NHSL2: variants seen among roughly 807,000 people sequenced by gnomAD.
NHSL2 encodes the protein NHS-like protein 2.
Under a neutral mutation model 53.4 loss-of-function variants are expected in NHSL2, and 27 were observed. The ratio of observed to expected loss-of-function variants is 0.51; its 90% confidence interval spans 0.37 to 0.70. The LOEUF (loss-of-function observed/expected upper bound fraction) is 0.70. Among genes scored for constraint, NHSL2 ranks in the 30% least tolerant of loss-of-function variants. The pLI, the probability that NHSL2 is intolerant of heterozygous loss-of-function variation, is 0.00. For synonymous variants in NHSL2, 408 were observed against 404.1 expected, an observed-to-expected ratio of 1.01 and a Z score of -0.12; for missense variants, 892 against 980.1, an observed-to-expected ratio of 0.91 and a Z score of 1.20.
chrX:72,074,960 A>G (rs1328824826), intron 1 of NHSL2, among the ~76,000 whole-genome samples: 2 of 112,417 alleles, frequency 1.8e-5, no homozygotes, highest in Non-Finnish European at 3.7e-5. Flanking sequence ...TGCAAAGAAT[A>G]ATAAAAACCA....
intron 1 of NHSL2, among the ~76,000 whole-genome samples, chrX:71,922,852 C>G (rs759484603): frequency 8.9e-6 from 1 of 112,232 alleles, no homozygotes; most frequent in Admixed American, 9.4e-5. Flanking sequence ...GCAAAGTCTC[C>G]CTGTATTCCA....
At chrX:71,915,015 C>T (rs2041621612) in intron 1 of NHSL2, among the ~76,000 whole-genome samples, 1 of 110,521 alleles carries the variant, frequency 9.0e-6, no homozygotes, top group Non-Finnish European at 1.9e-5. Flanking sequence ...TTTCTCTTCC[C>T]ACCCCACCCT....
At chrX:72,117,426 T>C (rs769555053) in intron 1 of NHSL2, among the ~76,000 whole-genome samples, 1 of 107,626 alleles carries the variant, frequency 9.3e-6, no homozygotes, top group South Asian at 4.2e-4. Flanking sequence ...GATAACAACT[T>C]TATTAAGACA....
intron 1 of NHSL2, among the ~76,000 whole-genome samples, chrX:71,949,599 A>T (rs1311260461): frequency 9.0e-6 from 1 of 111,481 alleles, no homozygotes; most frequent in Non-Finnish European, 1.9e-5. Flanking sequence ...ACAGCCACTG[A>T]GCTCCCCCAC....
intron 1 of NHSL2, among the ~76,000 whole-genome samples, chrX:72,051,113 G>A (rs2042338091): frequency 1.8e-5 from 2 of 111,687 alleles, no homozygotes; most frequent in Non-Finnish European, 3.8e-5. Context: ...TCTAAAATGT[G>A]CTTTCTTCAC....
intron 1 of NHSL2, among the ~76,000 whole-genome samples, chrX:72,041,875 T>C (rs1363516986): frequency 8.9e-6 from 1 of 112,142 alleles, no homozygotes; most frequent in African/African-American, 3.2e-5. Context: ...CTGCAGGCCA[T>C]GGCTGGGGTG....
chrX:72,130,409 CCTCCTT>C (rs1185361368), intron 1 of NHSL2: 2 of 1,191,357 alleles, frequency 1.7e-6, no homozygotes, highest in Admixed American at 2.3e-5. Context: ...ATCTCCTCCT[CCTCCTT>C]CTCCTTCATC....
intron 1 of NHSL2, among the ~76,000 whole-genome samples, chrX:72,025,067 G>A (rs1252500100): frequency 1.8e-5 from 2 of 111,702 alleles, no homozygotes; most frequent in Non-Finnish European, 1.9e-5. Context: ...CATAATAAAT[G>A]TGTGATAAAT....
chrX:71,935,659 T>C (rs1222062222), intron 1 of NHSL2, among the ~76,000 whole-genome samples: 1 of 112,500 alleles, frequency 8.9e-6, no homozygotes, highest in Non-Finnish European at 1.9e-5. Context: ...AAACAGGTAC[T>C]AATGGGTTCC....
chrX:71,941,966 C>T (rs181470625), intron 1 of NHSL2, among the ~76,000 whole-genome samples: 38 of 110,845 alleles, frequency 3.4e-4, no homozygotes, highest in African/African-American at 1.1e-3. Flanking sequence ...GGAATCCTGG[C>T]AGCGAGGCCT....
At chrX:72,019,568 C>G (rs953563670) in intron 1 of NHSL2, among the ~76,000 whole-genome samples, 5 of 112,236 alleles carry the variant, frequency 4.5e-5, no homozygotes, top group African/African-American at 1.3e-4. Flanking sequence ...GAATGAATGA[C>G]AGAGGAATGT....
At chrX:71,971,061 A>G (rs1278502184) in intron 1 of NHSL2, among the ~76,000 whole-genome samples, 1 of 110,089 alleles carries the variant, frequency 9.1e-6, no homozygotes, top group Non-Finnish European at 1.9e-5. Context: ...TTTGTTTTCT[A>G]TATGTTTCAC....
At chrX:72,029,420 C>T (rs1047641187) in intron 1 of NHSL2, among the ~76,000 whole-genome samples, 4 of 112,413 alleles carry the variant, frequency 3.6e-5, no homozygotes, top group African/African-American at 6.5e-5. Context: ...TGGGTGTTTG[C>T]GACTGAACTG....
chrX:72,114,886 C>A lies in NHSL2; in HGVS notation c.281-17193C>A, dbSNP rs187829662. Among the ~76,000 whole-genome samples the A allele has an allele frequency of 2.5e-4, 28 of 112,161 alleles. No individual in the cohort carries two copies. The Admixed American group carries it at 2.6e-3, about 11-fold the overall frequency. On this transcript the variant is annotated intron_variant, in intron 1 of 7. Coordinates refer to ENST00000633930, the MANE Select transcript of NHSL2 (RefSeq NM_001013627.3). ...GAGGGGAATTTGGGAAGAGGAAGAA[C>A]TCATCTTTGAACTCAGAAGCCTGGC... is the stretch of plus-strand genomic sequence containing the variant.
At chrX:72,119,423 C>T (rs962181349) in intron 1 of NHSL2, among the ~76,000 whole-genome samples, 2 of 112,057 alleles carry the variant, frequency 1.8e-5, no homozygotes, top group African/African-American at 6.5e-5. Flanking sequence ...TTTGTTTCCA[C>T]CTTTAATTTT....
At position 72,134,587 on chromosome X, in the gene NHSL2, A is replaced by G; in HGVS notation, c.643A>G (p.Thr215Ala). 1.7e-6 allele frequency: 2 copies of G among 1,164,664 alleles called. No individual in the cohort carries two copies. Among genetic ancestry groups the G allele is most frequent in the Non-Finnish European group, 2.3e-6 (2 of 869,778 alleles). Residue 215 changes from threonine (T) to alanine (A), a missense_variant, in exon 4 of 8, where the codon ACC becomes GCC. Thr to Ala is a moderately conservative substitution (Grantham distance 58, BLOSUM62 0). Transcript: ENST00000633930. ...RAPEASLSLS[T>A]TADKQTAWNS... ...CCCCGAGGCCTCCCTGAGCCTGTCT[A>G]CCACAGCCGACAAGCAAACTGCCTG...
Position 71,911,101 on chromosome X carries a change from G to A in NHSL2, c.14G>A (p.Arg5Lys). 1 of 1,040,872 alleles carries A rather than the reference G, an allele frequency of 9.6e-7. No individual in the cohort carries two copies. The highest frequency in any genetic ancestry group is 1.2e-6 in the Non-Finnish European group (1 of 814,296). 85.8% of individuals were successfully genotyped at this position (1,040,872 alleles called of 1,213,427 possible). The stretch of plus-strand genomic sequence containing the variant: ...CCCGCGGCCGGGATGCCGTTCTACA[G>A]GCGCACGGTGGTACCCCAGCGCCTG... MPFY[R>K]RTVVPQRLCP... The change falls in exon 1 of 8, where the codon AGG becomes AAG. Residue 5 changes from arginine (R) to lysine (K), a missense_variant. Arg to Lys is a conservative substitution (Grantham distance 26). Transcript: ENST00000633930.
At chrX:72,124,445 G>A (rs1383247248) in intron 1 of NHSL2, among the ~76,000 whole-genome samples, 1 of 111,325 alleles carries the variant, frequency 9.0e-6, no homozygotes, top group Non-Finnish European at 1.9e-5. Context: ...GGATCTGTGG[G>A]TCGGTTCTTG....
intron 1 of NHSL2, among the ~76,000 whole-genome samples, chrX:72,011,519 G>A (rs1407572400): frequency 1.8e-5 from 2 of 111,290 alleles, no homozygotes; most frequent in Non-Finnish European, 3.8e-5. Flanking sequence ...AAAATACAAA[G>A]ATTAGCCAGG....
Sources: allele counts gnomAD v4.1 joint callset (sites outside exome capture counted in the v4.1 genomes callset), GRCh38; gene constraint gnomAD v4.1.1; transcripts MANE v1.5; gene names NCBI Gene and HGNC (gene_info 2026-07-23, HGNC 2026-07-21).